GRM8: variants seen among roughly 807,000 people sequenced by gnomAD.
The protein encoded by GRM8 is glutamate metabotropic receptor 8, also known as metabotropic glutamate receptor 8.
Under a neutral mutation model 87.2 loss-of-function variants are expected in GRM8, and 47 were observed. The ratio of observed to expected loss-of-function variants is 0.54; its 90% confidence interval spans 0.43 to 0.69. The LOEUF is 0.69. GRM8 is among the 30% of genes least tolerant of loss of function. The pLI, the probability that GRM8 is intolerant of heterozygous loss-of-function variation, is 0.00. For synonymous variants in GRM8, 396 were observed against 404.5 expected, an observed-to-expected ratio of 0.98 and a Z score of 0.25; for missense variants, 1,019 against 1,139.2, an observed-to-expected ratio of 0.89 and a Z score of 1.52.
intron 3 of GRM8, among the ~76,000 whole-genome samples, chr7:126,936,048 C>A (rs78754856): frequency 0.1 from 15,486 of 152,168 alleles, 956 homozygotes; most frequent in East Asian, 0.22. Context: ...TCTGGGCTGG[C>A]AACAATGGCA....
At chr7:126,642,597 G>A (rs1476688603) in intron 7 of GRM8, among the ~76,000 whole-genome samples, 1 of 151,956 alleles carries the variant, frequency 6.6e-6, no homozygotes, top group Non-Finnish European at 1.5e-5. Context: ...CCGAGATCAT[G>A]CCACTGCCCT....
intron 8 of GRM8, among the ~76,000 whole-genome samples, chr7:126,599,499 A>G (rs1797533396): frequency 6.6e-6 from 1 of 152,128 alleles, no homozygotes; most frequent in Non-Finnish European, 1.5e-5. Context: ...ATATTATACT[A>G]ATCATTGAAG....
chr7:127,043,156 C>T (rs1423723379), intron 3 of GRM8, among the ~76,000 whole-genome samples: 1 of 152,218 alleles, frequency 6.6e-6, no homozygotes, highest in Non-Finnish European at 1.5e-5. Context: ...AACACTTTTA[C>T]ACTGTTGGTG....
At chr7:126,912,622 C>G (rs1803433527) in intron 3 of GRM8, among the ~76,000 whole-genome samples, 1 of 152,218 alleles carries the variant, frequency 6.6e-6, no homozygotes, top group South Asian at 2.1e-4. Context: ...CAAGGCAGCT[C>G]TCTGTAGCCA....
At chr7:126,786,169 C>A (rs1292933345) in intron 6 of GRM8, among the ~76,000 whole-genome samples, 3 of 152,124 alleles carry the variant, frequency 2.0e-5, no homozygotes, top group Admixed American at 6.6e-5. Flanking sequence ...TGTAAGGAAT[C>A]AATCAAATAA....
At chr7:126,587,032 A>G (rs949229753) in intron 8 of GRM8, among the ~76,000 whole-genome samples, 1 of 152,184 alleles carries the variant, frequency 6.6e-6, no homozygotes, top group Non-Finnish European at 1.5e-5. Context: ...GAACAGATAC[A>G]TCTCAAAAGA....
chr7:126,812,990 T>C (rs1223995474), intron 6 of GRM8, among the ~76,000 whole-genome samples: 1 of 151,906 alleles, frequency 6.6e-6, no homozygotes, highest in Non-Finnish European at 1.5e-5. Context: ...CATTTACCTG[T>C]ATGTGTTTTT....
intron 2 of GRM8, among the ~76,000 whole-genome samples, chr7:127,148,191 A>G (rs553998724): frequency 1.3e-5 from 2 of 152,098 alleles, no homozygotes; most frequent in South Asian, 4.1e-4. Context: ...CGATTCAGGT[A>G]TCTCTACTTC....
chr7:126,536,368 G>T (rs1315608419), intron 8 of GRM8, among the ~76,000 whole-genome samples: 1 of 152,154 alleles, frequency 6.6e-6, no homozygotes, highest in African/African-American at 2.4e-5. Context: ...TATCCTTTTA[G>T]AGGGCTGTCG....
At position 126,529,263 on chromosome 7, in the gene GRM8, A is replaced by T. The variant is rs545883807; in HGVS notation, c.2430+3689T>A. On this transcript the variant is annotated intron_variant, in intron 9 of 10. Transcript: ENST00000339582. ...CCCATTGTGCTATAGTCTAACTTAA[A>T]TCACAAATACGCATTTATATTATTA... Among the ~76,000 whole-genome samples the T allele has an allele frequency of 2.7e-3, 407 of 152,370 alleles. 6 individuals are homozygous for T. Among genetic ancestry groups the T allele is most frequent in the Non-Finnish European group, 2.0e-3 (134 of 68,038 alleles).
intron 7 of GRM8, among the ~76,000 whole-genome samples, chr7:126,630,828 C>T (rs995689595): frequency 3.9e-5 from 6 of 152,232 alleles, no homozygotes; most frequent in African/African-American, 1.4e-4. Context: ...TAAAATTCAA[C>T]ATCCTTCATG....
intron 3 of GRM8, among the ~76,000 whole-genome samples, chr7:127,097,785 G>T (rs1824817576): frequency 6.6e-6 from 1 of 152,098 alleles, no homozygotes; most frequent in Non-Finnish European, 1.5e-5. Flanking sequence ...TGAAAAAGAG[G>T]GATTTAAAGA....
At chr7:126,475,859 A>G (rs1023265191) in intron 9 of GRM8, among the ~76,000 whole-genome samples, 2 of 152,162 alleles carry the variant, frequency 1.3e-5, no homozygotes, top group African/African-American at 4.8e-5. Flanking sequence ...AAAATATGCA[A>G]TGGGGAAAAC....
At chr7:126,527,744 A>AT (rs532279497) in intron 9 of GRM8, among the ~76,000 whole-genome samples, 2 of 152,040 alleles carry the variant, frequency 1.3e-5, no homozygotes, top group Non-Finnish European at 1.5e-5. Flanking sequence ...CTCTGATGAT[A>AT]TTTTTTTTCT....
At chr7:126,826,567 G>A (rs1204090618) in intron 6 of GRM8, among the ~76,000 whole-genome samples, 1 of 152,034 alleles carries the variant, frequency 6.6e-6, no homozygotes, top group Non-Finnish European at 1.5e-5. Flanking sequence ...TGATGGGGTT[G>A]TTTTTTTCTT....
At chr7:126,882,853 A>G (rs1439979768) in intron 6 of GRM8, among the ~76,000 whole-genome samples, 1 of 152,132 alleles carries the variant, frequency 6.6e-6, no homozygotes, top group African/African-American at 2.4e-5. Context: ...TAGTATCCTC[A>G]TTACTGAGTT....
At chr7:127,127,997 C>T (rs975054454) in intron 2 of GRM8, among the ~76,000 whole-genome samples, 46 of 152,210 alleles carry the variant, frequency 3.0e-4, no homozygotes, top group African/African-American at 1.1e-3. Context: ...TCTCCACTGG[C>T]ACCTTTAGGC....
At chr7:126,465,485 AC>A (rs1313653764) in intron 9 of GRM8, among the ~76,000 whole-genome samples, 1 of 151,580 alleles carries the variant, frequency 6.6e-6, no homozygotes, top group African/African-American at 2.4e-5. Context: ...ACTTCCATTT[AC>A]TTAAGTCCTC....
intron 2 of GRM8, chr7:127,215,128 G>C (rs899613816): frequency 6.6e-6 from 1 of 152,154 alleles, no homozygotes; most frequent in African/African-American, 2.4e-5. Flanking sequence ...AAGAGCCCCA[G>C]CTGTGGGAAC....
Sources: gnomAD v4.1 joint callset for allele counts (sites outside exome capture counted in the v4.1 genomes callset) on GRCh38, gnomAD v4.1.1 for gene constraint, MANE v1.5 for transcripts, NCBI Gene and HGNC (gene_info 2026-07-23, HGNC 2026-07-21) for gene names.